The following GJB7 variants were observed in gnomAD, a reference collection of about 807,000 sequenced individuals.
GJB7 encodes the protein gap junction protein beta 7.
For synonymous variants in GJB7, 87 were observed against 95.2 expected (o/e 0.91, Z 0.50); for missense variants, 253 against 256.8 (o/e 0.99, Z 0.10).
rs58321177 is a variant in GJB7, at chr6:87,329,243, G to A, written c.-311C>T. 0.076 allele frequency: 11,691 copies of A among 153,484 alleles called. 977 individuals are homozygous for A. The highest frequency in any genetic ancestry group is 0.21 in the African/African-American group (8,668 of 41,516). The allele number at this position is 153,484 out of a possible 1,614,324, so 9.5% of individuals were successfully genotyped here. A position where few individuals can be genotyped will look rare whatever the true frequency, so the allele number is the denominator to read the frequency against. ...TTGCTCACTCTGGGAGCTGTAGACC[G>A]GAGCTGTTCCTATTCAGCCATCTTG... On this transcript the variant is annotated 5_prime_UTR_variant, in exon 1 of 3. Transcript: ENST00000525899.
chr6:87,308,361 A>T (rs1776464897), intron 2 of GJB7, among the ~76,000 whole-genome samples: 1 of 152,198 alleles, frequency 6.6e-6, no homozygotes. Flanking sequence ...TGTACCCTAG[A>T]ACTTAAAGTA....
At chr6:87,313,132 C>T (rs1776534186) in intron 2 of GJB7, among the ~76,000 whole-genome samples, 2 of 152,140 alleles carry the variant, frequency 1.3e-5, no homozygotes, top group South Asian at 4.1e-4. Context: ...CGGTAATCTA[C>T]AAATAATCCT....
At chr6:87,318,924 T>C (rs1308182068) in intron 2 of GJB7, among the ~76,000 whole-genome samples, 1 of 152,208 alleles carries the variant, frequency 6.6e-6, no homozygotes, top group Non-Finnish European at 1.5e-5. Context: ...ATACCAGTAA[T>C]GTATGATTTT....
intron 2 of GJB7, among the ~76,000 whole-genome samples, chr6:87,295,723 T>C (rs1440176310): frequency 2.6e-5 from 4 of 152,202 alleles, no homozygotes; most frequent in Non-Finnish European, 5.9e-5. Flanking sequence ...CCCCACACCA[T>C]GGCTGACCGT....
intron 2 of GJB7, among the ~76,000 whole-genome samples, chr6:87,303,541 C>T (rs1378776526): frequency 6.6e-6 from 1 of 152,098 alleles, no homozygotes; most frequent in Non-Finnish European, 1.5e-5. Context: ...CCCTTAGAGA[C>T]CTACAAAGAG....
At chr6:87,313,635 T>G (rs954379753) in intron 2 of GJB7, among the ~76,000 whole-genome samples, 3 of 152,214 alleles carry the variant, frequency 2.0e-5, no homozygotes, top group Non-Finnish European at 4.4e-5. Context: ...GAAATATAAA[T>G]CTTCAGAGAA....
intron 1 of GJB7, among the ~76,000 whole-genome samples, chr6:87,325,187 A>G (rs765852677): frequency 5.9e-5 from 9 of 152,120 alleles, no homozygotes; most frequent in Non-Finnish European, 1.2e-4. Flanking sequence ...GGGGTTTTCT[A>G]GGTATACAGT....
At chr6:87,290,560 C>T (rs920387230) in intron 2 of GJB7, among the ~76,000 whole-genome samples, 6 of 150,516 alleles carry the variant, frequency 4.0e-5, no homozygotes, top group East Asian at 1.9e-4. Context: ...TTTATATGTA[C>T]GTTCATATTC....
intron 2 of GJB7, among the ~76,000 whole-genome samples, chr6:87,286,723 G>A (rs1308955823): frequency 6.6e-6 from 1 of 152,118 alleles, no homozygotes; most frequent in Non-Finnish European, 1.5e-5. Context: ...TCTGTTCTGT[G>A]CTTTTGAGTT....
At chr6:87,287,455 A>G (rs746888824) in intron 2 of GJB7, among the ~76,000 whole-genome samples, 13 of 152,234 alleles carry the variant, frequency 8.5e-5, no homozygotes, top group Non-Finnish European at 1.8e-4. Flanking sequence ...GAGAAGGCAA[A>G]TGAAGGCTAA....
chr6:87,284,124 G>T lies in GJB7; in HGVS notation c.*117C>A. ...TTTTCTTTGTTTAACCCTCTTGTGT[G>T]TCACAGAGTAGCTTTGCTTCAGGTA... On this transcript the variant is annotated 3_prime_UTR_variant, in exon 3 of 3. Coordinates refer to ENST00000525899, the MANE Select transcript of GJB7 (RefSeq NM_198568.3). The T allele has an allele frequency of 1.2e-6, 1 of 813,846 alleles. No individual in the cohort carries two copies. The highest frequency in any genetic ancestry group is 2.0e-6 in the Non-Finnish European group (1 of 509,624). The allele number at this position is 813,846 out of a possible 1,614,324, so 50.4% of individuals were successfully genotyped here.
At chr6:87,294,599 G>A (rs1450939474) in intron 2 of GJB7, among the ~76,000 whole-genome samples, 1 of 152,216 alleles carries the variant, frequency 6.6e-6, no homozygotes, top group African/African-American at 2.4e-5. Context: ...AGAGAAGCCA[G>A]GGGTTCTGGT....
chr6:87,316,505 A>G (rs1193831414), intron 2 of GJB7, among the ~76,000 whole-genome samples: 1 of 152,200 alleles, frequency 6.6e-6, no homozygotes, highest in Non-Finnish European at 1.5e-5. Context: ...GGTGTAGGAA[A>G]GAGTGTTCCA....
chr6:87,284,556 G>GC lies in GJB7; in HGVS notation c.356dup (p.Leu120ProfsTer12). On this transcript the variant is annotated frameshift_variant, in exon 3 of 3. Transcript: ENST00000525899. LOFTEE classifies it low-confidence loss of function (END_TRUNC). ...GGCTGATAAGATAAGCGTACCATAGGCCCCCATCCATTGTACCTGGGCTGA... is the reference window on the plus strand; with the variant it reads ...GGCTGATAAGATAAGCGTACCATAGGCCCCCCATCCATTGTACCTGGGCTGA... The GC allele has an allele frequency of 6.2e-7, 1 of 1,614,026 alleles. No individual in the cohort carries two copies. The highest frequency in any genetic ancestry group is 8.5e-7 in the Non-Finnish European group (1 of 1,179,970).
chr6:87,312,497 T>G, intron 2 of GJB7, among the ~76,000 whole-genome samples: 1 of 142,766 alleles, frequency 7.0e-6, no homozygotes, highest in East Asian at 2.0e-4. Flanking sequence ...GGCAACAGAG[T>G]GAGACTCTGT....
intron 2 of GJB7, among the ~76,000 whole-genome samples, chr6:87,289,355 T>C (rs1250268885): frequency 6.6e-6 from 1 of 152,236 alleles, no homozygotes; most frequent in Non-Finnish European, 1.5e-5. Flanking sequence ...CCACATGTTC[T>C]TTAAGAGAAG....
chr6:87,319,978 G>T (rs1776632276), intron 2 of GJB7, among the ~76,000 whole-genome samples: 1 of 152,306 alleles, frequency 6.6e-6, no homozygotes, highest in Non-Finnish European at 1.5e-5. Context: ...AAGAACTCAT[G>T]AAAATAGAGT....
chr6:87,325,802 C>T (rs1229163344), intron 1 of GJB7, among the ~76,000 whole-genome samples: 2 of 152,136 alleles, frequency 1.3e-5, no homozygotes, highest in Non-Finnish European at 2.9e-5. Flanking sequence ...GGGAGGATTC[C>T]CTCTTTTTCT....
chr6:87,312,276 G>A (rs1776520615), intron 2 of GJB7, among the ~76,000 whole-genome samples: 1 of 150,986 alleles, frequency 6.6e-6, no homozygotes, highest in Admixed American at 6.6e-5. Flanking sequence ...CACTTTGGGA[G>A]GCTGAGGTGG....
Sources: gnomAD v4.1 joint callset for allele counts (sites outside exome capture counted in the v4.1 genomes callset) on GRCh38, gnomAD v4.1.1 for gene constraint, MANE v1.5 for transcripts, NCBI Gene and HGNC (gene_info 2026-07-23, HGNC 2026-07-21) for gene names.